The following TEX15 variants were observed in gnomAD, a reference collection of about 807,000 sequenced individuals.
The protein encoded by TEX15 is testis-expressed protein 15.
In TEX15, 171 loss-of-function variants were observed where a neutral mutation model predicts 237.3. The observed-to-expected ratio is 0.72, with a 90% CI of 0.64 to 0.82. The LOEUF (loss-of-function observed/expected upper bound fraction) is 0.82, where lower values mean the gene tolerates loss of function less well. TEX15 is among the 40% of genes least tolerant of loss of function. TEX15 has a pLI of 0.00. For missense variants in TEX15, 3,750 were observed against 3,646.5 expected (o/e 1.03, Z -0.73); for synonymous variants, 1,338 against 1,269.8 (o/e 1.05, Z -1.14).
chr8:30,877,945 T>G (rs1808434196), intron 3 of TEX15, among the ~76,000 whole-genome samples: 1 of 152,154 alleles, frequency 6.6e-6, no homozygotes, highest in Non-Finnish European at 1.5e-5. Flanking sequence ...CTCCTTTATA[T>G]ATTTTTTCAT....
intron 7 of TEX15, among the ~76,000 whole-genome samples, chr8:30,856,065 C>G (rs1330856216): frequency 6.6e-6 from 1 of 152,054 alleles, no homozygotes; most frequent in South Asian, 2.1e-4. Context: ...CCTGCCTCAG[C>G]CTCCCACGTA....
At position 30,849,290 on chromosome 8, in the gene TEX15, T is replaced by C. The variant is rs1182128499; in HGVS notation, c.877A>G (p.Thr293Ala). ...AERTCSLNNC[T>A]VAKRFGKGKD... ...CCTTTTCCAAATCTTTTGGCCACTGTACAGTTATTCAGAGAGCATGTCCTT... is the reference window on the plus strand; with the variant it reads ...CCTTTTCCAAATCTTTTGGCCACTGCACAGTTATTCAGAGAGCATGTCCTT... Residue 293 changes from threonine (T) to alanine (A), a missense_variant, in exon 8 of 11, where the codon ACA becomes GCA. Thr to Ala is a moderately conservative substitution (Grantham distance 58). Transcript: ENST00000643185. 3.3e-6 allele frequency: 5 copies of C among 1,530,328 alleles called. No homozygotes were observed. In the East Asian group the frequency reaches 9.8e-5, roughly 30 times the overall value. The allele number at this position is 1,530,328 out of a possible 1,614,324, so 94.8% of individuals were successfully genotyped here. A position where few individuals can be genotyped will look rare whatever the true frequency, so the allele number is the denominator to read the frequency against.
chr8:30,839,870 A>T, intron 9 of TEX15, 36 bp downstream of exon 9: 2 of 1,505,268 alleles, frequency 1.3e-6, no homozygotes, highest in Admixed American at 2.1e-5. Flanking sequence ...ATTTTGTTCA[A>T]TTTTTTTTCC....
Position 30,849,058 on chromosome 8 carries a change from T to C in TEX15, c.1109A>G (p.Asp370Gly). 6.2e-7 allele frequency: 1 copy of C among 1,614,046 alleles called. No individual in the cohort carries two copies. The change falls in exon 8 of 11, where the codon GAC becomes GGC. Residue 370 changes from aspartate to glycine, a missense_variant. Asp to Gly is a moderately conservative substitution (Grantham distance 94). Transcript: ENST00000643185. ...QTEHSLAEIR[D>G]TSQVLAHDSD... ...ATCATGTGCAAGTACTTGAGAAGTG[T>C]CTCTAATTTCTGCTAAACTGTGCTC...
chr8:30,904,543 T>C (rs890251714), intron 1 of TEX15, among the ~76,000 whole-genome samples: 6 of 151,928 alleles, frequency 3.9e-5, no homozygotes, highest in African/African-American at 1.5e-4. Context: ...AAAATAGCTA[T>C]ATAGGTAATA....
At chr8:30,895,008 T>C (rs911142072) in intron 2 of TEX15, among the ~76,000 whole-genome samples, 6 of 152,128 alleles carry the variant, frequency 3.9e-5, no homozygotes, top group Admixed American at 3.9e-4. Context: ...CCTCCAGAAC[T>C]GTGACAAAGA....
intron 1 of TEX15, among the ~76,000 whole-genome samples, chr8:30,905,628 C>T (rs551061256): frequency 1.3e-4 from 19 of 151,376 alleles, no homozygotes; most frequent in African/African-American, 4.1e-4. Context: ...GTGGCTCACG[C>T]CTATAATCCC....
chr8:30,850,109 G>C (rs1292710568), intron 7 of TEX15, among the ~76,000 whole-genome samples: 1 of 152,052 alleles, frequency 6.6e-6, no homozygotes, highest in Non-Finnish European at 1.5e-5. Flanking sequence ...AAAGGGGTGT[G>C]AGGTGGAAAA....
intron 4 of TEX15, among the ~76,000 whole-genome samples, chr8:30,874,224 A>G (rs1585301781): frequency 6.6e-6 from 1 of 152,170 alleles, no homozygotes; most frequent in East Asian, 1.9e-4. Context: ...AACAAGCCAA[A>G]ACATTCCAAA....
chr8:30,896,175 T>C (rs1244992441), intron 2 of TEX15, among the ~76,000 whole-genome samples: 2 of 152,162 alleles, frequency 1.3e-5, no homozygotes, highest in Non-Finnish European at 2.9e-5. Context: ...CTCAATCTTA[T>C]ACATATGAGG....
At chr8:30,906,661 A>T (rs1441892083) in intron 1 of TEX15, among the ~76,000 whole-genome samples, 1 of 152,130 alleles carries the variant, frequency 6.6e-6, no homozygotes, top group Non-Finnish European at 1.5e-5. Flanking sequence ...TACCTTGGAT[A>T]AGCAGGCATG....
Position 30,842,198 on chromosome 8 carries a change from T to C in TEX15, c.7969A>G (p.Met2657Val). The change falls in exon 8 of 11, where the codon ATG becomes GTG. Residue 2657 changes from methionine to valine, a missense_variant. Transcript: ENST00000643185. ...KILQLKRKEK[M>V]NIHIVKPGEN... ...CCAGGTTTTACAATATGAATATTCA[T>C]TTTTTCTTTTCTCTTCAGCTGTAAA... 7 of 1,611,774 alleles carry C rather than the reference T, an allele frequency of 4.3e-6. No individual in the cohort carries two copies. The highest frequency in any genetic ancestry group is 5.9e-6 in the Non-Finnish European group (7 of 1,179,228).
rs33984716 is a variant in TEX15 at position 30,836,205 on chromosome 8, GTTTTTTTTTT to G, written c.9481+588_9481+597del. Among the ~76,000 whole-genome samples the G allele has an allele frequency of 1.5e-3, 64 of 43,276 alleles. 1 individual carries two copies. In the South Asian group the frequency reaches 0.022, roughly 15 times the overall value. The allele number at this position is 43,276 out of a possible 152,430, so 28.4% of individuals were successfully genotyped here. On this transcript the variant is annotated intron_variant, in intron 10 of 10. Coordinates refer to ENST00000643185, the MANE Select transcript of TEX15 (RefSeq NM_001350162.2). ...TGGTTGCGTCACATTTCACTGTATC[GTTTTTTTTTT>G]TTTTTTTTTTTTTTTTTGAGGTCGA...
intron 1 of TEX15, among the ~76,000 whole-genome samples, chr8:30,902,129 T>C (rs1809018506): frequency 6.6e-6 from 1 of 152,170 alleles, no homozygotes; most frequent in South Asian, 2.1e-4. Flanking sequence ...CTCCAGGTGA[T>C]TCTGATGTAA....
At chr8:30,881,348 C>A (rs1024940466) in intron 3 of TEX15, among the ~76,000 whole-genome samples, 1 of 151,996 alleles carries the variant, frequency 6.6e-6, no homozygotes, top group South Asian at 2.1e-4. Flanking sequence ...CCATCTGGGC[C>A]TTAAACTTTC....
In TEX15 at chr8:30,843,493, G is replaced by C. The variant is rs761529106; in HGVS notation, c.6674C>G (p.Ser2225Cys). 1.2e-5 allele frequency: 20 copies of C among 1,612,952 alleles called. No homozygotes were observed. In the South Asian group the frequency reaches 2.2e-4, roughly 18 times the overall value. Residue 2225 changes from serine (S) to cysteine (C), a missense_variant, in exon 8 of 11, where the codon TCT becomes TGT. Physicochemically the swap from Ser to Cys is moderately radical, Grantham distance 112 (BLOSUM62 -1). Transcript: ENST00000643185. ...TCCTGGATACGAATGAACTTTAGGA[G>C]AGTCCCCACATACATTGATCAACTT... is the stretch of plus-strand genomic sequence containing the variant. ...TLKLINVCGDSPKVHSYPGKQ... is the reference protein window; with the variant it reads ...TLKLINVCGDCPKVHSYPGKQ...
At chr8:30,876,678 T>C (rs1310607289) in intron 3 of TEX15, among the ~76,000 whole-genome samples, 1 of 152,184 alleles carries the variant, frequency 6.6e-6, no homozygotes, top group Admixed American at 6.5e-5. Context: ...AGGCATATCA[T>C]AACCTTCTTG....
At chr8:30,861,433 C>G (rs1260811292) in intron 5 of TEX15, among the ~76,000 whole-genome samples, 1 of 152,110 alleles carries the variant, frequency 6.6e-6, no homozygotes, top group Non-Finnish European at 1.5e-5. Context: ...TATTTTATTA[C>G]TGTTATTTTA....
intron 6 of TEX15, 79 bp from the exon 7 acceptor site, chr8:30,858,909 A>G (rs1367975110): frequency 5.2e-6 from 5 of 970,618 alleles, no homozygotes; most frequent in East Asian, 2.8e-5. Flanking sequence ...AAAAATCAAT[A>G]TAATTGCATA....
Sources: gnomAD v4.1 joint callset for allele counts (sites outside exome capture counted in the v4.1 genomes callset) on GRCh38, gnomAD v4.1.1 for gene constraint, MANE v1.5 for transcripts, NCBI Gene and HGNC (gene_info 2026-07-23, HGNC 2026-07-21) for gene names.